The following NOX4 variants were observed in gnomAD, a reference collection of about 807,000 sequenced individuals.
NOX4 encodes kidney oxidase-1.
NOX4 carries 69 observed loss-of-function variants against 87.6 expected under a neutral mutation model. That is an observed-to-expected ratio of 0.79 (90% CI 0.65 to 0.96). NOX4 has a LOEUF of 0.96. Among genes scored for constraint, NOX4 ranks in the 40% least tolerant of loss-of-function variants. The pLI is 0.00. For synonymous variants in NOX4, 275 were observed against 238.2 expected, an observed-to-expected ratio of 1.15 and a Z score of -1.42; for missense variants, 680 against 681.5, an observed-to-expected ratio of 1.00 and a Z score of 0.02.
At chr11:89,441,947 C>CTA (rs5793404) in intron 5 of NOX4, among the ~76,000 whole-genome samples, 3,232 of 137,884 alleles carry the variant, frequency 0.023, 44 homozygotes, top group South Asian at 0.054. Flanking sequence ...TATGTGTTGA[C>CTA]TATATATATA....
intron 11 of NOX4, among the ~76,000 whole-genome samples, chr11:89,383,494 A>G (rs1241989977): frequency 6.6e-6 from 1 of 152,158 alleles, no homozygotes; most frequent in Non-Finnish European, 1.5e-5. Flanking sequence ...CTCCTGGACC[A>G]TCACAGACAC....
intron 15 of NOX4, among the ~76,000 whole-genome samples, chr11:89,339,222 T>C (rs936821568): frequency 2.0e-5 from 3 of 152,140 alleles, no homozygotes; most frequent in African/African-American, 7.2e-5. Flanking sequence ...ATCTATACAA[T>C]GAAATACTCT....
upstream of NOX4, chr11:89,491,639 C>T: frequency 4.1e-6 from 1 of 242,500 alleles, no homozygotes; most frequent in East Asian, 1.0e-4. Flanking sequence ...CCCGCAGCCT[C>T]TACCCAGGCC....
chr11:89,566,671 C>G, the NOX4 span, among the ~76,000 whole-genome samples: 530 of 152,252 alleles, frequency 3.5e-3, 3 homozygotes, highest in African/African-American at 0.012. Flanking sequence ...AACAGACCAT[C>G]ATGAAGTCCA....
At chr11:89,470,113 C>T (rs892158143) in intron 2 of NOX4, among the ~76,000 whole-genome samples, 3 of 151,578 alleles carry the variant, frequency 2.0e-5, no homozygotes, top group Admixed American at 6.6e-5. Flanking sequence ...GATACCTACC[C>T]CAAAGGGTTA....
chr11:89,358,667 C>A (rs1229521346), intron 12 of NOX4, among the ~76,000 whole-genome samples: 1 of 151,174 alleles, frequency 6.6e-6, no homozygotes, highest in African/African-American at 2.4e-5. Context: ...TTTAGTCTCA[C>A]AGATTTTTGC....
chr11:89,477,534 G>T (rs923304843), intron 2 of NOX4, among the ~76,000 whole-genome samples: 1 of 152,082 alleles, frequency 6.6e-6, no homozygotes, highest in East Asian at 1.9e-4. Context: ...AGTGGGATTG[G>T]ATAATGGAGA....
At chr11:89,358,645 A>T (rs568100043) in intron 12 of NOX4, among the ~76,000 whole-genome samples, 1 of 151,816 alleles carries the variant, frequency 6.6e-6, no homozygotes, top group Admixed American at 6.6e-5. Context: ...ATTATTTATA[A>T]TTATTTAGTT....
intron 2 of NOX4, among the ~76,000 whole-genome samples, chr11:89,474,355 A>G (rs1336580653): frequency 6.6e-6 from 1 of 151,758 alleles, no homozygotes; most frequent in Non-Finnish European, 1.5e-5. Context: ...AATACATCAC[A>G]TCTTGGAATT....
intron 9 of NOX4, among the ~76,000 whole-genome samples, chr11:89,401,127 T>C (rs1320099510): frequency 3.3e-5 from 5 of 152,050 alleles, no homozygotes; most frequent in African/African-American, 1.2e-4. Context: ...CTAAAACTTG[T>C]CTTAATGGTC....
chr11:89,461,834 G>C (rs374819504), intron 2 of NOX4, among the ~76,000 whole-genome samples: 1 of 151,886 alleles, frequency 6.6e-6, no homozygotes, highest in Non-Finnish European at 1.5e-5. Context: ...AAAATTATTT[G>C]AATTTTCTAA....
At chr11:89,509,663 T>C in the NOX4 span, among the ~76,000 whole-genome samples, 1 of 151,870 alleles carries the variant, frequency 6.6e-6, no homozygotes, top group Admixed American at 6.6e-5. Flanking sequence ...GATGAAAGAG[T>C]ATATCAGAGA....
At chr11:89,431,803 G>A (rs189860957) in intron 7 of NOX4, among the ~76,000 whole-genome samples, 5,460 of 152,156 alleles carry the variant, frequency 0.036, 323 homozygotes, top group African/African-American at 0.12. Context: ...CGATTCCTCA[G>A]GGATCTAGAA....
intron 7 of NOX4, among the ~76,000 whole-genome samples, chr11:89,424,717 A>C (rs1454197779): frequency 6.6e-6 from 1 of 152,072 alleles, no homozygotes; most frequent in Non-Finnish European, 1.5e-5. Context: ...CCTGTCATCT[A>C]ATAACGGGAT....
chr11:89,453,326 T>C (rs1187390627), intron 2 of NOX4, among the ~76,000 whole-genome samples: 2 of 152,174 alleles, frequency 1.3e-5, no homozygotes, highest in South Asian at 2.1e-4. Flanking sequence ...CCTGGCTTAT[T>C]TCACTTAGCA....
intron 13 of NOX4, among the ~76,000 whole-genome samples, chr11:89,347,308 G>C (rs1946258223): frequency 6.6e-6 from 1 of 152,152 alleles, no homozygotes; most frequent in Non-Finnish European, 1.5e-5. Context: ...ATTTAGAATG[G>C]ATTGAAGATA....
At chr11:89,476,307 T>C (rs915805708) in intron 2 of NOX4, among the ~76,000 whole-genome samples, 1 of 152,164 alleles carries the variant, frequency 6.6e-6, no homozygotes, top group Non-Finnish European at 1.5e-5. Flanking sequence ...ACTATATATA[T>C]GTAGCTTTTT....
At chr11:89,572,376 T>G in the NOX4 span, among the ~76,000 whole-genome samples, 87 of 152,372 alleles carry the variant, frequency 5.7e-4, no homozygotes, top group African/African-American at 2.0e-3. Context: ...TATCGACCTC[T>G]AGCTCAACTA....
intron 16 of NOX4, 132 bp from the exon 17 acceptor site, chr11:89,336,077 C>A (rs878997924): frequency 2.2e-6 from 1 of 463,488 alleles, no homozygotes; most frequent in Non-Finnish European, 4.0e-6. Flanking sequence ...AAATGGCAAC[C>A]TATCACGTAC....
Sources: gnomAD v4.1 joint callset for allele counts (sites outside exome capture counted in the v4.1 genomes callset) on GRCh38, gnomAD v4.1.1 for gene constraint, MANE v1.5 for transcripts, NCBI Gene and HGNC (gene_info 2026-07-23, HGNC 2026-07-21) for gene names.